Variants in CNTNAP2 observed in about 807,000 individuals in gnomAD.
CNTNAP2 encodes the protein contactin-associated protein-like 2.
A neutral mutation model predicts 155.2 loss-of-function variants in CNTNAP2; 98 were observed. The ratio of observed to expected loss-of-function variants is 0.63; its 90% CI spans 0.54 to 0.75. The LOEUF (loss-of-function observed/expected upper bound fraction) is 0.75, where lower values mean the gene tolerates loss of function less well. CNTNAP2 is among the 30% of genes least tolerant of loss of function. The probability of loss-of-function intolerance (pLI) is 0.00; values close to 1 mark genes in which losing one functional copy is unlikely to be tolerated. For missense variants in CNTNAP2, 1,727 were observed against 1,688.1 expected, an observed-to-expected ratio of 1.02 and a Z score of -0.40; for synonymous variants, 651 against 631.2, an observed-to-expected ratio of 1.03 and a Z score of -0.47.
At chr7:146,762,583 A>G (rs1289708164) in intron 1 of CNTNAP2, among the ~76,000 whole-genome samples, 1 of 152,184 alleles carries the variant, frequency 6.6e-6, no homozygotes, top group Non-Finnish European at 1.5e-5. Flanking sequence ...TGAGTGACAG[A>G]ACAAGACTCC....
chr7:146,656,003 A>G (rs1410393378), intron 1 of CNTNAP2, among the ~76,000 whole-genome samples: 1 of 152,218 alleles, frequency 6.6e-6, no homozygotes, highest in Admixed American at 6.5e-5. Context: ...ATGCTTTTGT[A>G]TTGTCTATTA....
intron 12 of CNTNAP2, among the ~76,000 whole-genome samples, chr7:147,624,190 G>T (rs191156949): frequency 6.6e-6 from 1 of 152,086 alleles, no homozygotes; most frequent in Non-Finnish European, 1.5e-5. Flanking sequence ...CAGGACATTG[G>T]TCTGGGCAAA....
At chr7:147,748,601 C>T (rs1234718723) in intron 13 of CNTNAP2, among the ~76,000 whole-genome samples, 1 of 152,166 alleles carries the variant, frequency 6.6e-6, no homozygotes, top group Non-Finnish European at 1.5e-5. Flanking sequence ...ATGTTTTTCT[C>T]CCTGCACCTC....
rs533633624 is a variant in CNTNAP2 at position 146,564,896 on chromosome 7, T to A, written c.98-209375T>A. On this transcript the variant is annotated intron_variant, in intron 1 of 23. Coordinates refer to ENST00000361727, the MANE Select transcript of CNTNAP2 (RefSeq NM_014141.6). ...CCATAAGCAAAGTATGATCTCTTAT[T>A]ATACATATTCTATAGATAAGAAACT... is the stretch of plus-strand genomic sequence containing the variant. Among the ~76,000 whole-genome samples the A allele has an allele frequency of 9.9e-5, 15 of 152,202 alleles. No homozygotes were observed. The South Asian group carries it at 3.1e-3, about 32-fold the overall frequency.
chr7:147,093,281 T>C (rs1052449537), intron 4 of CNTNAP2, among the ~76,000 whole-genome samples: 3 of 151,124 alleles, frequency 2.0e-5, no homozygotes, highest in Admixed American at 6.6e-5. Flanking sequence ...GGTGTACGTA[T>C]GTCAGATGAT....
intron 1 of CNTNAP2, among the ~76,000 whole-genome samples, chr7:146,134,700 T>C (rs1375501640): frequency 6.6e-6 from 1 of 150,894 alleles, no homozygotes; most frequent in Non-Finnish European, 1.5e-5. Context: ...TCTGTTTATA[T>C]GCTGGATTAC....
chr7:146,514,149 C>T (rs1166769415), intron 1 of CNTNAP2, among the ~76,000 whole-genome samples: 1 of 151,898 alleles, frequency 6.6e-6, no homozygotes, highest in Non-Finnish European at 1.5e-5. Context: ...TCTCTTTCCA[C>T]TTTAGGATTC....
intron 17 of CNTNAP2, among the ~76,000 whole-genome samples, chr7:148,153,897 A>G (rs1427409755): frequency 6.6e-6 from 1 of 152,222 alleles, no homozygotes; most frequent in Admixed American, 6.5e-5. Flanking sequence ...AGCAAGCTAG[A>G]CACTAGCCAG....
intron 18 of CNTNAP2, among the ~76,000 whole-genome samples, chr7:148,200,258 A>C (rs1034779695): frequency 4.6e-5 from 7 of 152,258 alleles, no homozygotes; most frequent in Non-Finnish European, 1.0e-4. Flanking sequence ...TTTTACATAG[A>C]TTACATGTTG....
chr7:147,535,202 G>A (rs893304023), intron 11 of CNTNAP2, among the ~76,000 whole-genome samples: 1 of 152,130 alleles, frequency 6.6e-6, no homozygotes, highest in Non-Finnish European at 1.5e-5. Context: ...AGACCAGCCT[G>A]GACAACATGG....
At chr7:148,395,128 C>CCCG (rs1554429568) in intron 22 of CNTNAP2, among the ~76,000 whole-genome samples, 10 of 143,088 alleles carry the variant, frequency 7.0e-5, no homozygotes, top group African/African-American at 2.1e-4. Flanking sequence ...GACCCCCCCC[C>CCCG]CTTATTGATT....
intron 10 of CNTNAP2, among the ~76,000 whole-genome samples, chr7:147,451,111 A>C (rs1797825392): frequency 6.6e-6 from 1 of 152,206 alleles, no homozygotes. Flanking sequence ...AGTCAATATA[A>C]GACAGTCAAT....
At chr7:147,287,283 G>T (rs375465663) in intron 8 of CNTNAP2, among the ~76,000 whole-genome samples, 22 of 152,092 alleles carry the variant, frequency 1.4e-4, no homozygotes, top group African/African-American at 5.1e-4. Context: ...CATCCCCCGG[G>T]AGATGGCGAA....
At chr7:146,622,223 G>A (rs2372625) in intron 1 of CNTNAP2, among the ~76,000 whole-genome samples, 3 of 147,022 alleles carry the variant, frequency 2.0e-5, no homozygotes, top group East Asian at 2.0e-4. Flanking sequence ...ACGTGTGTGT[G>A]TATATATATA....
At chr7:147,462,253 C>T (rs940073441) in intron 10 of CNTNAP2, among the ~76,000 whole-genome samples, 8 of 152,172 alleles carry the variant, frequency 5.3e-5, no homozygotes, top group South Asian at 4.1e-4. Context: ...CATGCGTCTA[C>T]GAAAACACTT....
intron 1 of CNTNAP2, among the ~76,000 whole-genome samples, chr7:146,232,740 T>C (rs1406723090): frequency 6.6e-6 from 1 of 152,212 alleles, no homozygotes; most frequent in Non-Finnish European, 1.5e-5. Context: ...GCACTTATTA[T>C]GTGCCTGACA....
chr7:146,935,449 G>C (rs1442921260), intron 3 of CNTNAP2, among the ~76,000 whole-genome samples: 1 of 152,140 alleles, frequency 6.6e-6, no homozygotes, highest in South Asian at 2.1e-4. Context: ...ACAGAACTTT[G>C]GTTCACTCCC....
chr7:146,143,671 TG>T (rs1797913199), intron 1 of CNTNAP2, among the ~76,000 whole-genome samples: 1 of 152,176 alleles, frequency 6.6e-6, no homozygotes, highest in South Asian at 2.1e-4. Flanking sequence ...TTAATGGTAT[TG>T]TGTTTCCTGA....
rs34996621 is a variant in CNTNAP2 at position 146,370,260 on chromosome 7, T to TAAAAA, written c.97+253312_97+253316dup. On this transcript the variant is annotated intron_variant, in intron 1 of 23. Transcript: ENST00000361727. ...AATAGGTGAAACCCCATCTCTACTT[T>TAAAAA]AAAAAAAAAAAAAAAAAAAAAAAAA... 1.8e-3 allele frequency among the ~76,000 whole-genome samples: 158 copies of TAAAAA among 87,582 alleles called. 3 individuals are homozygous for TAAAAA. Among genetic ancestry groups the TAAAAA allele is most frequent in the African/African-American group, 7.3e-3 (142 of 19,368 alleles). The allele number at this position is 87,582 out of a possible 152,430, so 57.5% of individuals were successfully genotyped here.
Sources: gnomAD v4.1 joint callset for allele counts (sites outside exome capture counted in the v4.1 genomes callset) on GRCh38, gnomAD v4.1.1 for gene constraint, MANE v1.5 for transcripts, NCBI Gene and HGNC (gene_info 2026-07-23, HGNC 2026-07-21) for gene names.